Variants in UBE2J1 observed in about 807,000 individuals in gnomAD.
UBE2J1 encodes ubiquitin-conjugating enzyme E2 J1.
UBE2J1 carries 17 observed loss-of-function variants against 42.1 expected under a neutral mutation model. That is an observed-to-expected ratio of 0.40 (90% CI 0.28 to 0.61). UBE2J1 has a LOEUF of 0.61. Among genes scored for constraint, UBE2J1 ranks in the 20% least tolerant of loss-of-function variants. The probability of loss-of-function intolerance (pLI) is 0.38; values close to 1 mark genes in which losing one functional copy is unlikely to be tolerated. For synonymous variants in UBE2J1, 127 were observed against 137.2 expected (o/e 0.93, Z 0.52); for missense variants, 291 against 389.4 (o/e 0.75, Z 2.13).
chr6:89,347,381 A>C (rs1768382901), intron 1 of UBE2J1, among the ~76,000 whole-genome samples: 1 of 152,242 alleles, frequency 6.6e-6, no homozygotes, highest in African/African-American at 2.4e-5. Context: ...CTCAATAATG[A>C]TTAAGCTGAA....
chr6:89,338,669 T>TTG, intron 3 of UBE2J1, 126 bp from the exon 4 acceptor site: 1 of 265,402 alleles, frequency 3.8e-6, no homozygotes, highest in South Asian at 1.5e-4. Context: ...TTTTTTTTTT[T>TTG]TTTTTTTTTT....
intron 3 of UBE2J1, among the ~76,000 whole-genome samples, chr6:89,341,109 C>T (rs1048015089): frequency 2.6e-5 from 4 of 152,200 alleles, no homozygotes; most frequent in African/African-American, 9.6e-5. Flanking sequence ...CCTGTTGTTT[C>T]ACCATTTGCT....
intron 5 of UBE2J1, among the ~76,000 whole-genome samples, chr6:89,337,014 A>G (rs796920365): frequency 5.3e-5 from 8 of 151,778 alleles, no homozygotes; most frequent in African/African-American, 1.9e-4. Context: ...TAATTTTTGT[A>G]TTTTTTTGTA....
chr6:89,340,922 C>T (rs1191373116), intron 3 of UBE2J1, among the ~76,000 whole-genome samples: 1 of 151,344 alleles, frequency 6.6e-6, no homozygotes, highest in African/African-American at 2.4e-5. Context: ...ACTACAGGCG[C>T]CCGCCACCGC....
intron 1 of UBE2J1, among the ~76,000 whole-genome samples, chr6:89,347,119 C>T (rs1768379472): frequency 6.6e-6 from 1 of 152,206 alleles, no homozygotes; most frequent in Admixed American, 6.5e-5. Flanking sequence ...GAAACAAAAA[C>T]CACAGAGCCG....
rs569686984 is a variant in UBE2J1, at chr6:89,330,309, CTATTTTTTTAATCAT to C, written c.679-367_679-353del. Among the ~76,000 whole-genome samples, 33 of 152,100 alleles carry C rather than the reference CTATTTTTTTAATCAT, an allele frequency of 2.2e-4. 1 individual carries two copies. In the South Asian group the frequency reaches 6.2e-3, roughly 29 times the overall value. ...CCTATGTTTCAGATGCCTTTTGTCT[CTATTTTTTTAATCAT>C]TATTTTTTTAGAGATGGGATCTTGT... is the stretch of plus-strand genomic sequence containing the variant. On this transcript the variant is annotated intron_variant, in intron 7 of 7. Coordinates refer to ENST00000435041, the MANE Select transcript of UBE2J1 (RefSeq NM_016021.3).
At chr6:89,336,539 T>C (rs1768110335) in intron 5 of UBE2J1, among the ~76,000 whole-genome samples, 1 of 150,966 alleles carries the variant, frequency 6.6e-6, no homozygotes, top group Non-Finnish European at 1.5e-5. Flanking sequence ...CCCTGTGTTA[T>C]CCAGATTGGT....
At chr6:89,350,485 C>T (rs1768453264) in intron 1 of UBE2J1, among the ~76,000 whole-genome samples, 1 of 152,132 alleles carries the variant, frequency 6.6e-6, no homozygotes, top group African/African-American at 2.4e-5. Flanking sequence ...TTTCACAATG[C>T]CTCCCAGCAT....
intron 1 of UBE2J1, among the ~76,000 whole-genome samples, chr6:89,350,878 C>T (rs1453058420): frequency 1.3e-5 from 2 of 152,094 alleles, no homozygotes; most frequent in African/African-American, 4.8e-5. Flanking sequence ...CTGGACCTTT[C>T]ACTAAGCACC....
chr6:89,342,379 C>T lies in UBE2J1; in HGVS notation c.182G>A (p.Arg61Gln), dbSNP rs776129230. The T allele has an allele frequency of 5.0e-6, 8 of 1,613,622 alleles. No individual in the cohort carries two copies. The highest frequency in any genetic ancestry group is 4.0e-5 in the African/African-American group (3 of 74,886). Residue 61 changes from arginine to glutamine, a missense_variant, in exon 3 of 8, where the codon CGG (arginine) becomes CAG (glutamine). This residue lies in a region of UBE2J1 where 115 missense variants were observed against 193.1 expected (regional missense o/e 0.60). Transcript: ENST00000435041. ...GGGATACTCTGGTGGCAGTACTATC[C>T]GCCCGTGATAAACTCCTCCATCAAA... ...SDFDGGVYHG[R>Q]IVLPPEYPMK...
At chr6:89,351,067 CTCT>C (rs1768466028) in intron 1 of UBE2J1, among the ~76,000 whole-genome samples, 4 of 97,868 alleles carry the variant, frequency 4.1e-5, no homozygotes, top group African/African-American at 1.6e-4. Flanking sequence ...CCCCGGGATT[CTCT>C]TTTTTTTTTT....
rs752105608 is a variant in UBE2J1, at chr6:89,338,245, G to C, written c.388C>G (p.Leu130Val). Residue 130 changes from leucine to valine, a missense_variant, in exon 5 of 8, where the codon CTA (leucine) becomes GTA (valine). Around this residue, in one of 2 missense-constraint regions of UBE2J1, gnomAD observed 115 missense variants for 193.1 expected, o/e 0.60. Transcript: ENST00000435041. The stretch of plus-strand genomic sequence containing the variant: ...CTTCTTTCCTCAGGAGTGTAATCTA[G>C]AGAACCTATGGCTCCCTCTCCTTTT... ...PTKGEGAIGSLDYTPEERRAL... is the reference protein window; with the variant it reads ...PTKGEGAIGSVDYTPEERRAL... The C allele has an allele frequency of 3.1e-6, 5 of 1,613,754 alleles. No homozygotes were observed. The Admixed American group carries it at 8.3e-5, about 27-fold the overall frequency.
At chr6:89,333,316 T>A in intron 6 of UBE2J1, 111 bp from the exon 7 acceptor site, 2 of 1,241,552 alleles carry the variant, frequency 1.6e-6, no homozygotes, top group South Asian at 1.6e-5. Flanking sequence ...ATTGCTAGTT[T>A]AATATCTATT....
Position 89,329,600 on chromosome 6 carries a change from TA to T in UBE2J1, c.*78del. ...GGGTAAATACAAAATAATCTTTTTG[TA>T]AACAATTCTTAGATTATACCCAATG... On this transcript the variant is annotated 3_prime_UTR_variant, in exon 8 of 8. Transcript: ENST00000435041. 6.8e-7 allele frequency: 1 copy of T among 1,469,910 alleles called. No homozygotes were observed. The highest frequency in any genetic ancestry group is 9.3e-7 in the Non-Finnish European group (1 of 1,070,998). 91.1% of individuals were successfully genotyped at this position (1,469,910 alleles called of 1,614,324 possible). A position where few individuals can be genotyped will look rare whatever the true frequency, so the allele number is the denominator to read the frequency against.
intron 1 of UBE2J1, 143 bp downstream of exon 1, chr6:89,352,396 C>G (rs1768502863): frequency 1.1e-6 from 1 of 943,180 alleles, no homozygotes; most frequent in South Asian, 1.7e-5. Context: ...CTGTACTTCC[C>G]GGGCAGGCGG....
At chr6:89,338,888 A>C (rs1233846509) in intron 3 of UBE2J1, among the ~76,000 whole-genome samples, 1 of 151,914 alleles carries the variant, frequency 6.6e-6, no homozygotes, top group Non-Finnish European at 1.5e-5. Context: ...GATGGTCTCG[A>C]TATCCTGACC....
chr6:89,344,130 C>T (rs765002946), intron 1 of UBE2J1, among the ~76,000 whole-genome samples: 7 of 151,788 alleles, frequency 4.6e-5, no homozygotes, highest in African/African-American at 1.7e-4. Context: ...ATGAAGAAGC[C>T]GAGACACGGA....
At chr6:89,349,248 G>A (rs572374520) in intron 1 of UBE2J1, among the ~76,000 whole-genome samples, 3 of 152,240 alleles carry the variant, frequency 2.0e-5, no homozygotes, top group East Asian at 1.9e-4. Context: ...AAATGAGGAA[G>A]AGCATAAGAG....
At chr6:89,341,559 C>T (rs1260637502) in intron 3 of UBE2J1, among the ~76,000 whole-genome samples, 1 of 151,894 alleles carries the variant, frequency 6.6e-6, no homozygotes, top group Non-Finnish European at 1.5e-5. Flanking sequence ...CATGTCTCTA[C>T]CAAAAAACTT....
Sources: allele counts gnomAD v4.1 joint callset (sites outside exome capture counted in the v4.1 genomes callset), GRCh38; gene constraint gnomAD v4.1.1; regional missense constraint gnomAD v4.1.1; transcripts MANE v1.5; gene names NCBI Gene and HGNC (gene_info 2026-07-23, HGNC 2026-07-21).